Variants in FMN2 observed in about 807,000 individuals in gnomAD.
FMN2 encodes formin-2.
A neutral mutation model predicts 142.3 loss-of-function variants in FMN2; 51 were observed. The ratio of observed to expected loss-of-function variants is 0.36; its 90% CI spans 0.29 to 0.45. FMN2 has a LOEUF of 0.45. FMN2 is among the 20% of genes least tolerant of loss of function. The pLI is 1.00. For synonymous variants in FMN2, 882 were observed against 869.8 expected (o/e 1.01, Z -0.25); for missense variants, 1,936 against 2,122.8 (o/e 0.91, Z 1.73).
At chr1:240,319,627 G>A (rs559092642) in intron 8 of FMN2, among the ~76,000 whole-genome samples, 2 of 152,306 alleles carry the variant, frequency 1.3e-5, no homozygotes, top group South Asian at 4.1e-4. Context: ...CTGAAACGAT[G>A]TCGTCTTGGA....
chr1:240,418,079 G>A, intron 15 of FMN2, among the ~76,000 whole-genome samples: 1 of 151,096 alleles, frequency 6.6e-6, no homozygotes, highest in Non-Finnish European at 1.5e-5. Context: ...TACTTTTCTG[G>A]GCTATAGTGA....
chr1:240,292,449 C>G (rs952159512), intron 7 of FMN2, among the ~76,000 whole-genome samples: 1 of 152,154 alleles, frequency 6.6e-6, no homozygotes, highest in African/African-American at 2.4e-5. Flanking sequence ...TCAGCATATT[C>G]CCACCCAAAT....
chr1:240,291,867 G>A (rs140540272), intron 7 of FMN2, among the ~76,000 whole-genome samples: 2 of 152,310 alleles, frequency 1.3e-5, no homozygotes, highest in Non-Finnish European at 2.9e-5. Context: ...TTGAATTTAT[G>A]TGAAAAGTTG....
At chr1:240,234,652 C>A (rs1245781022) in intron 6 of FMN2, among the ~76,000 whole-genome samples, 1 of 152,126 alleles carries the variant, frequency 6.6e-6, no homozygotes, top group Non-Finnish European at 1.5e-5. Context: ...CCAACCCCCC[C>A]ACTACAAATG....
chr1:240,442,981 G>T (rs187976861), intron 16 of FMN2, among the ~76,000 whole-genome samples: 61 of 152,288 alleles, frequency 4.0e-4, no homozygotes, highest in Non-Finnish European at 1.6e-4. Context: ...ATGACATAAC[G>T]TATTTGAAGT....
At chr1:240,347,712 AC>A (rs1263734933) in intron 13 of FMN2, among the ~76,000 whole-genome samples, 1 of 151,978 alleles carries the variant, frequency 6.6e-6, no homozygotes, top group Admixed American at 6.6e-5. Context: ...ACTCTAATAG[AC>A]CCCAGCGTTG....
rs750675282 is a variant in FMN2, at chr1:240,207,532, T to C, written c.2720T>C (p.Met907Thr). 1 of 1,610,616 alleles carries C rather than the reference T, an allele frequency of 6.2e-7. No homozygotes were observed. Among genetic ancestry groups the C allele is most frequent in the South Asian group, 1.1e-5 (1 of 90,966 alleles). Residue 907 changes from methionine (M) to threonine (T), a missense_variant, in exon 5 of 18, where the codon ATG (methionine) becomes ACG (threonine). Coordinates refer to ENST00000319653, the MANE Select transcript of FMN2 (RefSeq NM_020066.5). Reference sequence around the variant, plus strand: ...CCTCCTCCTCTGCAGGGTACAGAAATGCTGCCACCCCCTCCCCCTCCTCTT... The same window carrying C: ...CCTCCTCCTCTGCAGGGTACAGAAACGCTGCCACCCCCTCCCCCTCCTCTT... ...PQPPPLQGTE[M>T]LPPPPPPLPG...
chr1:240,464,341 C>A (rs1000216901), intron 16 of FMN2, among the ~76,000 whole-genome samples: 1 of 152,110 alleles, frequency 6.6e-6, no homozygotes, highest in Non-Finnish European at 1.5e-5. Flanking sequence ...GAATCTTTGA[C>A]AGTCATCAAA....
At chr1:240,348,235 T>A (rs1671975616) in intron 13 of FMN2, among the ~76,000 whole-genome samples, 1 of 151,712 alleles carries the variant, frequency 6.6e-6, no homozygotes, top group African/African-American at 2.4e-5. Flanking sequence ...TTTTTTTTTT[T>A]TTTGGAGATA....
chr1:240,184,133 T>C (rs1215620529), intron 3 of FMN2, among the ~76,000 whole-genome samples: 1 of 151,730 alleles, frequency 6.6e-6, no homozygotes, highest in Non-Finnish European at 1.5e-5. Context: ...TATTTTGTGA[T>C]GGTAAAGAGG....
At chr1:240,142,948 A>G in intron 2 of FMN2, 1 of 1,604,026 alleles carries the variant, frequency 6.2e-7, no homozygotes, top group South Asian at 1.1e-5. Context: ...TACAATACAT[A>G]GTGTGATTTG....
chr1:240,351,411 G>A (rs1232297500), intron 13 of FMN2, among the ~76,000 whole-genome samples: 4 of 152,140 alleles, frequency 2.6e-5, no homozygotes, highest in African/African-American at 9.7e-5. Flanking sequence ...CTGTAGATGA[G>A]GTGAGGCTGC....
chr1:240,441,905 A>G (rs1330001061), intron 16 of FMN2, among the ~76,000 whole-genome samples: 2 of 152,176 alleles, frequency 1.3e-5, no homozygotes, highest in African/African-American at 2.4e-5. Flanking sequence ...ATTGTAGGTA[A>G]TAAAACCCCG....
intron 16 of FMN2, among the ~76,000 whole-genome samples, chr1:240,447,984 A>G (rs1248146684): frequency 6.6e-6 from 1 of 152,150 alleles, no homozygotes; most frequent in African/African-American, 2.4e-5. Context: ...CATACTGACA[A>G]CCTTCAGTGA....
chr1:240,458,774 A>G (rs1475604533), intron 16 of FMN2: 2 of 152,220 alleles, frequency 1.3e-5, no homozygotes, highest in Non-Finnish European at 1.5e-5. Context: ...TTCGACCATC[A>G]TGTACGGCAG....
chr1:240,352,017 A>G (rs1672112512), intron 13 of FMN2, among the ~76,000 whole-genome samples: 1 of 152,216 alleles, frequency 6.6e-6, no homozygotes, highest in Non-Finnish European at 1.5e-5. Context: ...CCAGTAATGA[A>G]AATATTAGCC....
At chr1:240,129,360 C>T (rs1662643611) in intron 2 of FMN2, among the ~76,000 whole-genome samples, 1 of 152,050 alleles carries the variant, frequency 6.6e-6, no homozygotes, top group Non-Finnish European at 1.5e-5. Context: ...TATCAACTTT[C>T]AAAGTTGTTT....
At chr1:240,357,552 T>G (rs1163851757) in intron 14 of FMN2, among the ~76,000 whole-genome samples, 1 of 152,150 alleles carries the variant, frequency 6.6e-6, no homozygotes, top group Non-Finnish European at 1.5e-5. Context: ...AAGACGGGAT[T>G]GCCCAGTCAT....
intron 6 of FMN2, 143 bp downstream of exon 6, chr1:240,211,378 C>T (rs1666687455): frequency 2.7e-6 from 2 of 730,638 alleles, no homozygotes; most frequent in Admixed American, 3.0e-5. Flanking sequence ...AACTTTAGAA[C>T]ATGTGGTTAA....
Sources: gnomAD v4.1 joint callset for allele counts (sites outside exome capture counted in the v4.1 genomes callset) on GRCh38, gnomAD v4.1.1 for gene constraint, MANE v1.5 for transcripts, NCBI Gene and HGNC (gene_info 2026-07-23, HGNC 2026-07-21) for gene names.